CPQ: variants seen among roughly 807,000 people sequenced by gnomAD.
CPQ encodes carboxypeptidase Q.
A neutral mutation model predicts 45.7 loss-of-function variants in CPQ; 37 were observed. The ratio of observed to expected loss-of-function variants is 0.81; its 90% CI spans 0.62 to 1.07. CPQ has a LOEUF of 1.07. CPQ is among the 50% of genes least tolerant of loss of function. The pLI, the probability that CPQ is intolerant of heterozygous loss-of-function variation, is 0.00. For missense variants in CPQ, 537 were observed against 572.9 expected, an observed-to-expected ratio of 0.94 and a Z score of 0.64; for synonymous variants, 186 against 205.8, an observed-to-expected ratio of 0.90 and a Z score of 0.82.
intron 4 of CPQ, among the ~76,000 whole-genome samples, chr8:96,919,561 G>A (rs1169555604): frequency 6.6e-6 from 1 of 152,118 alleles, no homozygotes; most frequent in African/African-American, 2.4e-5. Context: ...ATGTGTCAAT[G>A]TTGGGCTGAA....
chr8:97,132,943 G>A (rs572381212), intron 7 of CPQ: 1 of 152,156 alleles, frequency 6.6e-6, no homozygotes, highest in Non-Finnish European at 1.5e-5. Context: ...ATAAACACGA[G>A]TACAATTCAA....
At chr8:96,672,882 G>A (rs972714485) in intron 1 of CPQ, among the ~76,000 whole-genome samples, 2 of 152,040 alleles carry the variant, frequency 1.3e-5, no homozygotes, top group Admixed American at 1.3e-4. Flanking sequence ...ACATGTGTGG[G>A]TTTGTTACAT....
intron 1 of CPQ, among the ~76,000 whole-genome samples, chr8:96,704,315 C>G (rs896550629): frequency 5.3e-5 from 8 of 152,182 alleles, no homozygotes; most frequent in Admixed American, 2.6e-4. Flanking sequence ...GAAACTTCGT[C>G]TTTCCTATTG....
chr8:96,827,880 A>G (rs192708804), intron 2 of CPQ, among the ~76,000 whole-genome samples: 5 of 152,234 alleles, frequency 3.3e-5, no homozygotes, highest in Admixed American at 3.3e-4. Flanking sequence ...ATAATGTAAT[A>G]AATACCCTGT....
chr8:96,864,283 T>A (rs1175485777), intron 3 of CPQ, among the ~76,000 whole-genome samples: 1 of 152,076 alleles, frequency 6.6e-6, no homozygotes. Context: ...TCTCCAGATT[T>A]GGCCACATTC....
At position 96,792,190 on chromosome 8, in the gene CPQ, C is replaced by A. The variant is rs191697442; in HGVS notation, c.433+6860C>A. Among the ~76,000 whole-genome samples the A allele has an allele frequency of 1.4e-3, 218 of 152,190 alleles. 4 individuals carry two copies. The highest frequency in any genetic ancestry group is 0.011 in the Admixed American group (169 of 15,278). ...TGAAGAAGGCAGATATACAAGCAGG[C>A]CAAGTCCGAAGAGATGAAGGACAAA... is the stretch of plus-strand genomic sequence containing the variant. On this transcript the variant is annotated intron_variant, in intron 2 of 7. Coordinates refer to ENST00000220763, the MANE Select transcript of CPQ (RefSeq NM_016134.4).
chr8:96,685,985 T>C (rs1450184954), intron 1 of CPQ, among the ~76,000 whole-genome samples: 3 of 152,126 alleles, frequency 2.0e-5, no homozygotes, highest in African/African-American at 4.8e-5. Context: ...TTTAATGCAA[T>C]CTATTCTTAC....
At chr8:96,832,816 C>T (rs917189152) in intron 2 of CPQ, among the ~76,000 whole-genome samples, 8 of 152,002 alleles carry the variant, frequency 5.3e-5, no homozygotes, top group Admixed American at 2.6e-4. Flanking sequence ...GATGGGTTTT[C>T]GGCAGAAGTG....
intron 7 of CPQ, among the ~76,000 whole-genome samples, chr8:97,079,595 G>A (rs557427992): frequency 2.0e-5 from 3 of 152,242 alleles, no homozygotes; most frequent in African/African-American, 2.4e-5. Context: ...TTTTACTCCC[G>A]TGTCACATAT....
intron 5 of CPQ, among the ~76,000 whole-genome samples, chr8:96,972,544 G>A (rs1187674656): frequency 1.3e-5 from 2 of 152,134 alleles, no homozygotes; most frequent in Non-Finnish European, 2.9e-5. Context: ...ATACACTCTT[G>A]TCAGTGCCAC....
intron 1 of CPQ, among the ~76,000 whole-genome samples, chr8:96,653,856 C>T (rs944240010): frequency 2.0e-5 from 3 of 151,980 alleles, no homozygotes; most frequent in Admixed American, 1.3e-4. Context: ...AGGTGAAAGG[C>T]GAGGGAGGAG....
At chr8:96,859,486 C>T (rs1030049100) in intron 3 of CPQ, among the ~76,000 whole-genome samples, 3 of 152,136 alleles carry the variant, frequency 2.0e-5, no homozygotes, top group Admixed American at 6.5e-5. Flanking sequence ...CCTGAACCTA[C>T]CCTAGATTCC....
chr8:97,120,077 A>G (rs1811672557), intron 7 of CPQ, among the ~76,000 whole-genome samples: 1 of 152,244 alleles, frequency 6.6e-6, no homozygotes, highest in African/African-American at 2.4e-5. Flanking sequence ...GACTAAGAAC[A>G]TACACAAGTA....
At chr8:97,133,272 C>T (rs1217882140) in intron 7 of CPQ, 1 of 152,096 alleles carries the variant, frequency 6.6e-6, no homozygotes, top group Non-Finnish European at 1.5e-5. Flanking sequence ...ACTCCTCATA[C>T]CTAGAGACCA....
intron 3 of CPQ, among the ~76,000 whole-genome samples, chr8:96,856,363 G>A (rs1243449078): frequency 1.3e-5 from 2 of 152,186 alleles, no homozygotes; most frequent in Non-Finnish European, 2.9e-5. Context: ...AAGTCTTCAG[G>A]AATTGCTGAT....
At chr8:97,131,743 T>C (rs1811962338) in intron 7 of CPQ, among the ~76,000 whole-genome samples, 1 of 152,186 alleles carries the variant, frequency 6.6e-6, no homozygotes, top group Admixed American at 6.5e-5. Context: ...ACTAGAGTCA[T>C]TTAAAAGAAC....
intron 1 of CPQ, among the ~76,000 whole-genome samples, chr8:96,708,448 T>C (rs891761022): frequency 6.6e-6 from 1 of 151,570 alleles, no homozygotes; most frequent in Non-Finnish European, 1.5e-5. Context: ...TATATATATA[T>C]ATATATATAT....
chr8:96,743,814 G>A (rs1810131777), intron 1 of CPQ, among the ~76,000 whole-genome samples: 1 of 152,250 alleles, frequency 6.6e-6, no homozygotes, highest in Admixed American at 6.5e-5. Context: ...GGACCCACTT[G>A]CGGAGGCAGT....
intron 5 of CPQ, among the ~76,000 whole-genome samples, chr8:97,028,924 G>GAT (rs1313275474): frequency 6.6e-6 from 1 of 152,210 alleles, no homozygotes; most frequent in Non-Finnish European, 1.5e-5. Flanking sequence ...CATTACTGAA[G>GAT]ATAGCATGGG....
Sources: gnomAD v4.1 joint callset for allele counts (sites outside exome capture counted in the v4.1 genomes callset) on GRCh38, gnomAD v4.1.1 for gene constraint, MANE v1.5 for transcripts, NCBI Gene and HGNC (gene_info 2026-07-23, HGNC 2026-07-21) for gene names.